Variants in NYAP2 observed in about 807,000 individuals in gnomAD.
NYAP2 encodes the protein neuronal tyrosine-phosphorylated phosphoinositide-3-kinase adapter 2.
A neutral mutation model predicts 50.4 loss-of-function variants in NYAP2; 23 were observed. The ratio of observed to expected loss-of-function variants is 0.46; its 90% CI spans 0.33 to 0.65. The LOEUF is 0.65. Among genes scored for constraint, NYAP2 ranks in the 30% least tolerant of loss-of-function variants. The pLI is 0.02. For missense variants in NYAP2, 885 were observed against 861.0 expected, an observed-to-expected ratio of 1.03 and a Z score of -0.35; for synonymous variants, 394 against 365.2, an observed-to-expected ratio of 1.08 and a Z score of -0.90.
At chr2:225,434,543 G>A (rs1559178609) in intron 3 of NYAP2, among the ~76,000 whole-genome samples, 2 of 152,178 alleles carry the variant, frequency 1.3e-5, no homozygotes, top group Non-Finnish European at 2.9e-5. Context: ...TCGATTGATT[G>A]TCCACTCTGT....
intron 3 of NYAP2, among the ~76,000 whole-genome samples, chr2:225,422,490 G>A (rs1031828801): frequency 2.0e-5 from 3 of 152,002 alleles, no homozygotes; most frequent in African/African-American, 7.2e-5. Context: ...CAGGTAAAAG[G>A]GAAGAATAAT....
intron 5 of NYAP2, among the ~76,000 whole-genome samples, chr2:225,626,026 A>G (rs1313550165): frequency 6.6e-6 from 1 of 152,220 alleles, no homozygotes; most frequent in Non-Finnish European, 1.5e-5. Flanking sequence ...TCTGACTGAT[A>G]GATTTGGGCA....
chr2:225,603,669 T>C (rs1692736107), intron 5 of NYAP2, among the ~76,000 whole-genome samples: 1 of 152,166 alleles, frequency 6.6e-6, no homozygotes, highest in Non-Finnish European at 1.5e-5. Context: ...AATGATTTTT[T>C]TGGGTTCTGA....
chr2:225,595,721 A>G (rs1439871824), intron 5 of NYAP2, among the ~76,000 whole-genome samples: 3 of 152,222 alleles, frequency 2.0e-5, no homozygotes, highest in African/African-American at 7.2e-5. Context: ...GCTCTTTAAT[A>G]TAAACCATAA....
chr2:225,499,479 A>T (rs1049749355), intron 3 of NYAP2, among the ~76,000 whole-genome samples: 1 of 149,572 alleles, frequency 6.7e-6, no homozygotes, highest in African/African-American at 2.5e-5. Context: ...TTCCCGGCTA[A>T]TTTTTTTTTT....
At chr2:225,475,230 C>T (rs1429266909) in intron 3 of NYAP2, among the ~76,000 whole-genome samples, 2 of 152,122 alleles carry the variant, frequency 1.3e-5, no homozygotes, top group African/African-American at 4.8e-5. Context: ...ACCAGTTTTT[C>T]AGGTTTTTTT....
intron 5 of NYAP2, among the ~76,000 whole-genome samples, chr2:225,604,210 C>T (rs191468342): frequency 4.1e-4 from 63 of 152,068 alleles, no homozygotes; most frequent in Non-Finnish European, 8.2e-4. Context: ...TGGCAGACAC[C>T]TAACCTAAAA....
intron 6 of NYAP2, among the ~76,000 whole-genome samples, chr2:225,632,602 C>T (rs146296742): frequency 3.1e-4 from 47 of 152,326 alleles, no homozygotes; most frequent in African/African-American, 1.1e-3. Context: ...GTTAAAGTCA[C>T]TGTTGTTTAG....
chr2:225,539,544 G>A (rs1238261724), intron 4 of NYAP2, among the ~76,000 whole-genome samples: 1 of 152,172 alleles, frequency 6.6e-6, no homozygotes, highest in Non-Finnish European at 1.5e-5. Context: ...CATTCTAACT[G>A]GTGTGAGATG....
At chr2:225,533,333 T>C (rs895447717) in intron 4 of NYAP2, among the ~76,000 whole-genome samples, 6 of 152,168 alleles carry the variant, frequency 3.9e-5, no homozygotes, top group Non-Finnish European at 8.8e-5. Flanking sequence ...AGGAGTCCTG[T>C]TGTTTATTTT....
intron 4 of NYAP2, among the ~76,000 whole-genome samples, chr2:225,523,353 A>G (rs1691099182): frequency 6.6e-6 from 1 of 151,960 alleles, no homozygotes; most frequent in African/African-American, 2.4e-5. Context: ...AAACCTCCCT[A>G]TATTTGATAA....
intron 3 of NYAP2, among the ~76,000 whole-genome samples, chr2:225,505,654 C>T (rs1431084): frequency 0.32 from 47,919 of 152,074 alleles, 7,694 homozygotes; most frequent in South Asian, 0.48. Flanking sequence ...TGATAAAAGT[C>T]AGCCAATAAC....
At chr2:225,655,570 T>C (rs894039115), downstream of NYAP2, among the ~76,000 whole-genome samples, 1 of 152,188 alleles carries the variant, frequency 6.6e-6, no homozygotes, top group African/African-American at 2.4e-5. Context: ...TAGAAAGCCA[T>C]GTACTCAGAA....
At chr2:225,591,064 G>A (rs1173767343) in intron 5 of NYAP2, among the ~76,000 whole-genome samples, 2 of 152,210 alleles carry the variant, frequency 1.3e-5, no homozygotes, top group African/African-American at 2.4e-5. Context: ...CACCTCAGAA[G>A]TCCATCCAGA....
At chr2:225,495,712 T>C (rs929870691) in intron 3 of NYAP2, among the ~76,000 whole-genome samples, 4 of 152,348 alleles carry the variant, frequency 2.6e-5, no homozygotes, top group African/African-American at 9.6e-5. Flanking sequence ...GTGATTATTG[T>C]AGCAGAAAAT....
chr2:225,552,351 G>C (rs1328142100), intron 4 of NYAP2, among the ~76,000 whole-genome samples: 3 of 152,152 alleles, frequency 2.0e-5, no homozygotes, highest in African/African-American at 7.2e-5. Context: ...GAGACACAGA[G>C]GTAACTCAGG....
At chr2:225,539,150 C>G (rs993301738) in intron 4 of NYAP2, among the ~76,000 whole-genome samples, 7 of 152,128 alleles carry the variant, frequency 4.6e-5, no homozygotes, top group African/African-American at 7.2e-5. Flanking sequence ...CTAGCTTCAT[C>G]CACGTCCTTG....
the NYAP2 span, among the ~76,000 whole-genome samples, chr2:225,691,364 TAATTTC>T: frequency 6.6e-6 from 1 of 152,196 alleles, no homozygotes; most frequent in Non-Finnish European, 1.5e-5. Flanking sequence ...GAATTTCATG[TAATTTC>T]CATGTGTCAT....
chr2:225,625,089 C>T lies in NYAP2; in HGVS notation c.1619-1828C>T, dbSNP rs1017514071. Among the ~76,000 whole-genome samples the T allele has an allele frequency of 3.3e-5, 4 of 122,980 alleles. No individual in the cohort carries two copies. The Admixed American group carries it at 3.4e-4, about 10-fold the overall frequency. The allele number at this position is 122,980 out of a possible 152,430, so 80.7% of individuals were successfully genotyped here. On this transcript the variant is annotated intron_variant, in intron 5 of 6. Transcript: ENST00000636099. ...AAAAAAAAATTCAGATTTTTTGAAT[C>T]ATTTCTGTGATTTTCTAAAAAAATT...
Sources: allele counts gnomAD v4.1 joint callset (sites outside exome capture counted in the v4.1 genomes callset), GRCh38; gene constraint gnomAD v4.1.1; transcripts MANE v1.5; gene names NCBI Gene and HGNC (gene_info 2026-07-23, HGNC 2026-07-21).